The following PRKCQ variants were observed in gnomAD, a reference collection of about 807,000 sequenced individuals.
PRKCQ encodes protein kinase C theta.
Under a neutral mutation model 91.2 loss-of-function variants are expected in PRKCQ, and 41 were observed. That is an observed-to-expected ratio of 0.45 (90% CI 0.35 to 0.58). PRKCQ has a LOEUF of 0.58. Ranked by LOEUF, PRKCQ falls within the 20% of genes least tolerant of loss-of-function variation. The probability of loss-of-function intolerance (pLI) is 0.00; values close to 1 mark genes in which losing one functional copy is unlikely to be tolerated. For synonymous variants in PRKCQ, 307 were observed against 316.9 expected, an observed-to-expected ratio of 0.97 and a Z score of 0.33; for missense variants, 673 against 896.5, an observed-to-expected ratio of 0.75 and a Z score of 3.18.
At chr10:6,487,421 T>C (rs535719864) in intron 8 of PRKCQ, among the ~76,000 whole-genome samples, 1 of 152,262 alleles carries the variant, frequency 6.6e-6, no homozygotes, top group South Asian at 2.1e-4. Flanking sequence ...GGTGGCAGCT[T>C]GCACAGCGTG....
chr10:6,491,734 G>T lies in PRKCQ; in HGVS notation c.739C>A (p.His247Asn). 2 of 1,614,202 alleles carry T rather than the reference G, an allele frequency of 1.2e-6. No individual in the cohort carries two copies. The highest frequency in any genetic ancestry group is 1.7e-6 in the Non-Finnish European group (2 of 1,180,034). Residue 247 changes from histidine to asparagine, a missense_variant, in exon 8 of 18, where the codon CAC (histidine) becomes AAC (asparagine). Physicochemically the swap from His to Asn is moderately conservative, Grantham distance 68 (BLOSUM62 1). Transcript: ENST00000263125. ...AGTCCCCACAGCAGGGTCCCACAGT[G>T]TTCACAGAAGGTCGGGCTCTTGTAA... ...YNYKSPTFCE[H>N]CGTLLWGLAR...
At chr10:6,401,903 G>T in the PRKCQ span, among the ~76,000 whole-genome samples, 1 of 152,180 alleles carries the variant, frequency 6.6e-6, no homozygotes, top group African/African-American at 2.4e-5. Flanking sequence ...ATCCTGCCTG[G>T]TCACTGAAGT....
intron 1 of PRKCQ, among the ~76,000 whole-genome samples, chr10:6,560,407 G>GT (rs1840583715): frequency 6.6e-6 from 1 of 152,116 alleles, no homozygotes; most frequent in Non-Finnish European, 1.5e-5. Flanking sequence ...GCTGTTTTTG[G>GT]TTTTCACAGC....
intron 4 of PRKCQ, among the ~76,000 whole-genome samples, chr10:6,499,452 T>G (rs1378792945): frequency 1.3e-5 from 2 of 152,036 alleles, no homozygotes; most frequent in African/African-American, 4.8e-5. Context: ...AACACCAAAT[T>G]GTAAGGCAGT....
At chr10:6,489,244 G>A (rs949825152) in intron 8 of PRKCQ, among the ~76,000 whole-genome samples, 1 of 152,116 alleles carries the variant, frequency 6.6e-6, no homozygotes, top group African/African-American at 2.4e-5. Flanking sequence ...GTGACACCAA[G>A]TGAGGTTGTC....
In PRKCQ at chr10:6,430,682, T is replaced by G. The variant is rs1189800258; in HGVS notation, c.1965+128A>C. The stretch of plus-strand genomic sequence containing the variant: ...ATGTGTTAGAGACGTGCATTCCTCC[T>G]GGAGAGTGGGGCTGGTGGGGAGTTG... On this transcript the variant is annotated intron_variant, in intron 17 of 17. Coordinates refer to ENST00000263125, the MANE Select transcript of PRKCQ (RefSeq NM_006257.5). The surrounding 1 kb of genome is among the most constrained non-coding windows in gnomAD (Gnocchi z 4.7). 3 of 1,365,932 alleles carry G rather than the reference T, an allele frequency of 2.2e-6. No homozygotes were observed. The East Asian group carries it at 7.0e-5, about 32-fold the overall frequency. The allele number at this position is 1,365,932 out of a possible 1,614,324, so 84.6% of individuals were successfully genotyped here. A position where few individuals can be genotyped will look rare whatever the true frequency, so the allele number is the denominator to read the frequency against.
chr10:6,471,554 C>T (rs926407975), intron 12 of PRKCQ, among the ~76,000 whole-genome samples: 1 of 151,818 alleles, frequency 6.6e-6, no homozygotes, highest in African/African-American at 2.4e-5. Context: ...ACCAGCCTGG[C>T]CAACATGGTG....
chr10:6,407,935 T>C, the PRKCQ span, among the ~76,000 whole-genome samples: 1 of 152,148 alleles, frequency 6.6e-6, no homozygotes, highest in African/African-American at 2.4e-5. The surrounding 1 kb of genome is among the most constrained non-coding windows in gnomAD (Gnocchi z 4.0). Flanking sequence ...CTAAAAATGT[T>C]CTTTTTAAAA....
chr10:6,519,512 C>T (rs1265460352), intron 1 of PRKCQ, among the ~76,000 whole-genome samples: 8 of 152,216 alleles, frequency 5.3e-5, no homozygotes, highest in African/African-American at 1.2e-4. Context: ...AATAATCAGG[C>T]GAAGTTTGAG....
chr10:6,466,180 T>C (rs1300372251), intron 12 of PRKCQ, among the ~76,000 whole-genome samples: 1 of 152,258 alleles, frequency 6.6e-6, no homozygotes, highest in Non-Finnish European at 1.5e-5. Flanking sequence ...AGTGTTTGGA[T>C]GCTTACAAAT....
chr10:6,449,731 T>A (rs9663645), intron 15 of PRKCQ, among the ~76,000 whole-genome samples: 50,673 of 151,930 alleles, frequency 0.33, 8,596 homozygotes, highest in East Asian at 0.44. Flanking sequence ...TAACAGCTGA[T>A]CTCTCGGCAG....
chr10:6,543,282 T>C (rs1588403905), intron 1 of PRKCQ, among the ~76,000 whole-genome samples: 1 of 152,198 alleles, frequency 6.6e-6, no homozygotes, highest in East Asian at 1.9e-4. Context: ...TTCGCGGAGC[T>C]GAAAACAAAA....
At chr10:6,548,675 T>C (rs1840063467) in intron 1 of PRKCQ, among the ~76,000 whole-genome samples, 5 of 136,852 alleles carry the variant, frequency 3.7e-5, no homozygotes, top group South Asian at 4.7e-4. Context: ...TAGGTGGGAA[T>C]TGAACAATGA....
chr10:6,480,041 T>A (rs1040876495), intron 11 of PRKCQ, among the ~76,000 whole-genome samples: 2 of 152,038 alleles, frequency 1.3e-5, no homozygotes, highest in Non-Finnish European at 2.9e-5. Context: ...ATGTAGTAGG[T>A]CCTAAAATGT....
At chr10:6,495,096 T>C (rs1003307195) in intron 7 of PRKCQ, among the ~76,000 whole-genome samples, 3 of 152,188 alleles carry the variant, frequency 2.0e-5, no homozygotes, top group Admixed American at 2.0e-4. Context: ...AACCTGCCCC[T>C]TTGCTCCACC....
At chr10:6,417,678 C>T in the PRKCQ span, among the ~76,000 whole-genome samples, 8 of 152,234 alleles carry the variant, frequency 5.3e-5, no homozygotes, top group East Asian at 1.4e-3. Context: ...AGAGTGGCCA[C>T]GTGAACATTC....
chr10:6,546,805 G>C (rs1024671129), intron 1 of PRKCQ, among the ~76,000 whole-genome samples: 2 of 152,132 alleles, frequency 1.3e-5, no homozygotes, highest in South Asian at 4.1e-4. Context: ...TCCCTGTCTT[G>C]TGCCAGTTTT....
At chr10:6,474,570 CCA>C (rs1316034702) in intron 12 of PRKCQ, among the ~76,000 whole-genome samples, 2 of 152,280 alleles carry the variant, frequency 1.3e-5, no homozygotes, top group Middle Eastern at 3.4e-3. Flanking sequence ...TCTTATTTTT[CCA>C]CAGTTTTATC....
At chr10:6,499,785 C>T (rs757561618) in intron 4 of PRKCQ, among the ~76,000 whole-genome samples, 5 of 152,182 alleles carry the variant, frequency 3.3e-5, no homozygotes, top group African/African-American at 1.2e-4. Flanking sequence ...CCTGACAATG[C>T]GTTTGGGGCA....
Sources: allele counts gnomAD v4.1 joint callset (sites outside exome capture counted in the v4.1 genomes callset), GRCh38; gene constraint gnomAD v4.1.1; non-coding constraint Gnocchi (gnomAD v3.1); transcripts MANE v1.5; gene names NCBI Gene and HGNC (gene_info 2026-07-23, HGNC 2026-07-21).